Variants in KCTD20 observed in about 807,000 individuals in gnomAD.
KCTD20 encodes the protein BTB/POZ domain-containing protein KCTD20.
Under a neutral mutation model 39.6 loss-of-function variants are expected in KCTD20, and 30 were observed. The ratio of observed to expected loss-of-function variants is 0.76; its 90% confidence interval spans 0.57 to 1.03. The LOEUF (loss-of-function observed/expected upper bound fraction) is 1.03, where lower values mean the gene tolerates loss of function less well. Among genes scored for constraint, KCTD20 ranks in the 50% least tolerant of loss-of-function variants. The probability of loss-of-function intolerance (pLI) is 0.00; values close to 1 mark genes in which losing one functional copy is unlikely to be tolerated. For synonymous variants in KCTD20, 162 were observed against 180.6 expected, an observed-to-expected ratio of 0.90 and a Z score of 0.83; for missense variants, 422 against 522.0, an observed-to-expected ratio of 0.81 and a Z score of 1.87.
chr6:36,466,205 G>A (rs1775748680), intron 1 of KCTD20, among the ~76,000 whole-genome samples: 1 of 151,422 alleles, frequency 6.6e-6, no homozygotes, highest in Non-Finnish European at 1.5e-5. Context: ...TGGGACTACA[G>A]GTGCACACCA....
intron 6 of KCTD20, among the ~76,000 whole-genome samples, chr6:36,483,794 C>T (rs1469905747): frequency 1.3e-5 from 2 of 152,102 alleles, no homozygotes; most frequent in South Asian, 2.1e-4. Context: ...GTTGTGATTA[C>T]AGGCGTGAGC....
At chr6:36,471,755 C>A (rs939686544) in intron 2 of KCTD20, among the ~76,000 whole-genome samples, 3 of 151,868 alleles carry the variant, frequency 2.0e-5, no homozygotes, top group African/African-American at 7.3e-5. Flanking sequence ...GAGGTGTCTT[C>A]TTTGGGTTTC....
At chr6:36,471,528 A>T (rs1775910073) in intron 2 of KCTD20, among the ~76,000 whole-genome samples, 1 of 152,202 alleles carries the variant, frequency 6.6e-6, no homozygotes, top group Non-Finnish European at 1.5e-5. Flanking sequence ...AGTCCTTACA[A>T]CTATTATCCT....
At chr6:36,478,753 G>T (rs1325892059) in intron 3 of KCTD20, among the ~76,000 whole-genome samples, 1 of 152,092 alleles carries the variant, frequency 6.6e-6, no homozygotes, top group Non-Finnish European at 1.5e-5. Flanking sequence ...TAGAAAAGCA[G>T]GTTCTTGGGC....
intron 3 of KCTD20, among the ~76,000 whole-genome samples, chr6:36,477,969 C>T (rs1233718827): frequency 6.6e-6 from 1 of 151,376 alleles, no homozygotes; most frequent in Non-Finnish European, 1.5e-5. Flanking sequence ...CTGGCGGGCG[C>T]CTGTAGTCCC....
At position 36,465,377 on chromosome 6, in the gene KCTD20, G is replaced by GT. The variant is rs202238713; in HGVS notation, c.-46-4666dup. 9.4e-3 allele frequency among the ~76,000 whole-genome samples: 1,345 copies of GT among 143,100 alleles called. 25 individuals carry two copies. Among genetic ancestry groups the GT allele is most frequent in the African/African-American group, 0.032 (1,259 of 38,934 alleles). 93.9% of individuals were successfully genotyped at this position (143,100 alleles called of 152,430 possible). On this transcript the variant is annotated intron_variant, in intron 1 of 7. Coordinates refer to ENST00000373731, the MANE Select transcript of KCTD20 (RefSeq NM_173562.5). ...TATTGCCCCCATGCCATTCCAATTA[G>GT]TTTTTTTTTGTTTTTTTTTTTTTTA...
chr6:36,443,707 CTT>C (rs1201006382), intron 1 of KCTD20: 1 of 152,140 alleles, frequency 6.6e-6, no homozygotes, highest in Non-Finnish European at 1.5e-5. Context: ...TTAAATAAAA[CTT>C]TGCTTTTTAT....
At chr6:36,482,724 T>C (rs1367142094) in intron 6 of KCTD20, among the ~76,000 whole-genome samples, 7 of 151,842 alleles carry the variant, frequency 4.6e-5, no homozygotes, top group African/African-American at 1.7e-4. Context: ...GGTGGGCTGA[T>C]TGCTTGAGGT....
At chr6:36,453,445 G>A (rs1199224019) in intron 1 of KCTD20, among the ~76,000 whole-genome samples, 2 of 151,190 alleles carry the variant, frequency 1.3e-5, no homozygotes, top group Non-Finnish European at 2.9e-5. Flanking sequence ...GGATTAATAA[G>A]CTATTATTTT....
chr6:36,453,252 TCCAC>T (rs1775322679), intron 1 of KCTD20, among the ~76,000 whole-genome samples: 1 of 151,898 alleles, frequency 6.6e-6, no homozygotes, highest in Admixed American at 6.6e-5. Flanking sequence ...CCTCAAGTGA[TCCAC>T]CCGCCTTGGC....
Position 36,453,980 on chromosome 6 carries a change from G to C in KCTD20, c.-47+10869G>C, listed in dbSNP as rs577092146. 3.3e-5 allele frequency among the ~76,000 whole-genome samples: 5 copies of C among 152,286 alleles called. No homozygotes were observed. In the East Asian group the frequency reaches 9.6e-4, roughly 29 times the overall value. The stretch of plus-strand genomic sequence containing the variant: ...TGTGTTGCTTAATTTTCCAACATTT[G>C]AGGATATTTTGTTTTTGTCATTGAT... On this transcript the variant is annotated intron_variant, in intron 1 of 7. Transcript: ENST00000373731.
intron 1 of KCTD20, among the ~76,000 whole-genome samples, chr6:36,445,895 A>G (rs1212642752): frequency 6.6e-6 from 1 of 152,214 alleles, no homozygotes; most frequent in Non-Finnish European, 1.5e-5. Context: ...ATATGATGTA[A>G]CCATATAAAT....
chr6:36,448,015 G>GTGTGTATATATATATATA (rs559687288), intron 1 of KCTD20, among the ~76,000 whole-genome samples: 7 of 128,944 alleles, frequency 5.4e-5, no homozygotes, highest in African/African-American at 2.4e-4. Context: ...ATGTGTGTGT[G>GTGTGTATATATATATATA]TATATATATA....
At chr6:36,483,484 T>C (rs1350456511) in intron 6 of KCTD20, among the ~76,000 whole-genome samples, 1 of 152,094 alleles carries the variant, frequency 6.6e-6, no homozygotes, top group Non-Finnish European at 1.5e-5. Context: ...AGTGCTGGGA[T>C]TGCAGGCACC....
chr6:36,455,443 C>A (rs1775404084), intron 1 of KCTD20, among the ~76,000 whole-genome samples: 1 of 152,166 alleles, frequency 6.6e-6, no homozygotes, highest in Non-Finnish European at 1.5e-5. Flanking sequence ...AACTTCTCAA[C>A]TTTTTAGCTG....
rs1776441152 is a variant in KCTD20 at position 36,486,931 on chromosome 6, C to T, written c.1016C>T (p.Ser339Phe). The T allele has an allele frequency of 3.7e-6, 6 of 1,614,046 alleles. No individual in the cohort carries two copies. Among genetic ancestry groups the T allele is most frequent in the Non-Finnish European group, 2.5e-6 (3 of 1,180,024 alleles). The change falls in exon 8 of 8, where the codon TCT (serine) becomes TTT (phenylalanine). Residue 339 changes from serine (S) to phenylalanine (F), a missense_variant. Coordinates refer to ENST00000373731, the MANE Select transcript of KCTD20 (RefSeq NM_173562.5). ...EKIKRRPGGR[S>F]EVIYNYVQRP... ...ATTAAGAGAAGGCCTGGCGGCCGGT[C>T]TGAAGTCATCTATAATTATGTACAA...
At chr6:36,479,437 T>C (rs982521883) in intron 4 of KCTD20, among the ~76,000 whole-genome samples, 154 bp from the exon 5 acceptor site, 1 of 152,222 alleles carries the variant, frequency 6.6e-6, no homozygotes, top group African/African-American at 2.4e-5. Context: ...CAAGTCAAGA[T>C]AGCCAGGAGC....
intron 1 of KCTD20, among the ~76,000 whole-genome samples, chr6:36,448,015 G>GTGTGTGTATATATATATA (rs559687288): frequency 7.0e-5 from 9 of 128,950 alleles, no homozygotes; most frequent in African/African-American, 3.1e-4. Flanking sequence ...ATGTGTGTGT[G>GTGTGTGTATATATATATA]TATATATATA....
rs1301151019 is a variant in KCTD20 at position 36,478,094 on chromosome 6, C to CA, written c.435-1016dup. On this transcript the variant is annotated intron_variant, in intron 3 of 7. Transcript: ENST00000373731. Reference sequence around the variant, plus strand: ...TGGGCAACAGAGCGAAACTCCATCTCAAAAAAAAAAAGAAAAGAAAAGCAG... The same window carrying CA: ...TGGGCAACAGAGCGAAACTCCATCTCAAAAAAAAAAAAGAAAAGAAAAGCAG... 5.7e-3 allele frequency among the ~76,000 whole-genome samples: 498 copies of CA among 87,596 alleles called. 7 individuals are homozygous for CA. The highest frequency in any genetic ancestry group is 0.011 in the South Asian group (33 of 2,878). 57.5% of individuals were successfully genotyped at this position (87,596 alleles called of 152,430 possible). A position where few individuals can be genotyped will look rare whatever the true frequency, so the allele number is the denominator to read the frequency against.
Sources: allele counts gnomAD v4.1 joint callset (sites outside exome capture counted in the v4.1 genomes callset), GRCh38; gene constraint gnomAD v4.1.1; transcripts MANE v1.5; gene names NCBI Gene and HGNC (gene_info 2026-07-23, HGNC 2026-07-21).